Variants in CHODL observed in about 807,000 individuals in gnomAD.
The protein encoded by CHODL is chondrolectin.
CHODL carries 29 observed loss-of-function variants against 34.5 expected under a neutral mutation model. The observed-to-expected ratio is 0.84, with a 90% CI of 0.63 to 1.15. The LOEUF (loss-of-function observed/expected upper bound fraction) is 1.15. Among genes scored for constraint, CHODL ranks in the 50% most tolerant of loss-of-function variants. The pLI is 0.00. For missense variants in CHODL, 332 were observed against 332.5 expected (o/e 1.00, Z 0.01); for synonymous variants, 125 against 116.1 (o/e 1.08, Z -0.49).
intron 2 of CHODL, among the ~76,000 whole-genome samples, chr21:18,232,962 T>TATATATATATATAG (rs1166861868): frequency 9.8e-5 from 14 of 142,462 alleles, no homozygotes; most frequent in Admixed American, 2.1e-4. Context: ...TATATATATA[T>TATATATATATATAG]ATATATATAT....
intron 2 of CHODL, among the ~76,000 whole-genome samples, chr21:18,077,098 G>A (rs976787869): frequency 1.3e-5 from 2 of 152,202 alleles, no homozygotes; most frequent in Non-Finnish European, 2.9e-5. Context: ...TCCCACCTCA[G>A]TGTGCATGGA....
At chr21:17,993,470 T>C (rs2063817370) in intron 1 of CHODL, among the ~76,000 whole-genome samples, 1 of 152,220 alleles carries the variant, frequency 6.6e-6, no homozygotes, top group African/African-American at 2.4e-5. Context: ...ACATGTAATA[T>C]TTGTTTTCTG....
rs557948542 is a variant in CHODL, at chr21:18,173,323, C to G, written c.-44-83186C>G. 2.0e-5 allele frequency among the ~76,000 whole-genome samples: 3 copies of G among 152,304 alleles called. No homozygotes were observed. In the South Asian group the frequency reaches 6.2e-4, roughly 32 times the overall value. ...GCAAGTTATAGGTCCCATACATACT[C>G]ATGAAGAAGGCATTATCCAAGGTCA... is the stretch of plus-strand genomic sequence containing the variant. On this transcript the variant is annotated intron_variant, in intron 2 of 6. Coordinates refer to the CHODL transcript ENST00000400127.
intron 2 of CHODL, among the ~76,000 whole-genome samples, chr21:18,077,282 C>T (rs1396222020): frequency 1.3e-5 from 2 of 152,160 alleles, no homozygotes; most frequent in Non-Finnish European, 2.9e-5. Flanking sequence ...CATAAGTTTG[C>T]AGGTGAATGG....
Position 18,127,686 on chromosome 21 carries a change from T to G in CHODL, c.-45+99715T>G, listed in dbSNP as rs1457067673. ...GCGTTGCCATTGTTTTTTTTTTTTT[T>G]TTTTTTTTTTTTTTTAGCTTAAAAC... On this transcript the variant is annotated intron_variant, in intron 2 of 6. Coordinates refer to the CHODL transcript ENST00000400127. 2.3e-4 allele frequency among the ~76,000 whole-genome samples: 32 copies of G among 137,820 alleles called. No homozygotes were observed. In the East Asian group the frequency reaches 6.2e-3, roughly 27 times the overall value. The allele number at this position is 137,820 out of a possible 152,430, so 90.4% of individuals were successfully genotyped here.
intron 2 of CHODL, among the ~76,000 whole-genome samples, chr21:18,167,897 C>T (rs1297902151): frequency 6.6e-6 from 1 of 152,094 alleles, no homozygotes; most frequent in African/African-American, 2.4e-5. Flanking sequence ...ATATTTGAGT[C>T]AGTGGACTGG....
chr21:18,134,272 T>C (rs1289671680), intron 2 of CHODL: 1 of 507,608 alleles, frequency 2.0e-6, no homozygotes, highest in African/African-American at 1.9e-5. Flanking sequence ...ATTTTTATAC[T>C]TGGATGATCT....
At chr21:18,029,140 G>A (rs896262066) in intron 2 of CHODL, among the ~76,000 whole-genome samples, 3 of 151,978 alleles carry the variant, frequency 2.0e-5, no homozygotes, top group Non-Finnish European at 2.9e-5. Context: ...ACTTGGGTGC[G>A]GATGAACCAA....
At chr21:18,019,446 A>T in intron 1 of CHODL, among the ~76,000 whole-genome samples, 1 of 152,196 alleles carries the variant, frequency 6.6e-6, no homozygotes, top group East Asian at 1.9e-4. Flanking sequence ...ATTTATTTGT[A>T]CATTTTAAAA....
At chr21:18,076,137 T>C (rs1207608898) in intron 2 of CHODL, among the ~76,000 whole-genome samples, 1 of 152,210 alleles carries the variant, frequency 6.6e-6, no homozygotes, top group African/African-American at 2.4e-5. Context: ...GTGGGGGCAC[T>C]GCCATAACAA....
At chr21:18,109,111 T>A (rs2065315370) in intron 2 of CHODL, among the ~76,000 whole-genome samples, 1 of 152,202 alleles carries the variant, frequency 6.6e-6, no homozygotes, top group Non-Finnish European at 1.5e-5. Flanking sequence ...AGCAGTTTTT[T>A]AAGCCTTAAC....
chr21:18,040,161 A>G lies in CHODL; in HGVS notation c.-45+12190A>G, dbSNP rs558703569. Among the ~76,000 whole-genome samples, 47 of 152,016 alleles carry G rather than the reference A, an allele frequency of 3.1e-4. No homozygotes were observed. The South Asian group carries it at 7.9e-3, about 25-fold the overall frequency. ...TCTTTGCTCATGAAATAAAATATTC[A>G]AAAACAGATTACAAAGTAGCATGGT... On this transcript the variant is annotated intron_variant, in intron 2 of 6. Transcript: ENST00000400127.
At chr21:17,974,157 A>G (rs2063642376) in intron 1 of CHODL, among the ~76,000 whole-genome samples, 1 of 152,214 alleles carries the variant, frequency 6.6e-6, no homozygotes, top group South Asian at 2.1e-4. Flanking sequence ...ACGTTTTGCA[A>G]AACCACACAG....
At chr21:18,086,223 A>C (rs1333603945) in intron 2 of CHODL, among the ~76,000 whole-genome samples, 1 of 151,574 alleles carries the variant, frequency 6.6e-6, no homozygotes, top group African/African-American at 2.4e-5. Flanking sequence ...AAAGTTATCT[A>C]TCTTCTTGGT....
chr21:18,097,051 G>T (rs2065148817), intron 2 of CHODL, among the ~76,000 whole-genome samples: 2 of 152,072 alleles, frequency 1.3e-5, no homozygotes, highest in African/African-American at 4.8e-5. Flanking sequence ...CTAAAAAATT[G>T]GGTATAGAAG....
At chr21:17,971,010 T>G (rs1337152652) in intron 1 of CHODL, among the ~76,000 whole-genome samples, 1 of 152,184 alleles carries the variant, frequency 6.6e-6, no homozygotes, top group African/African-American at 2.4e-5. Flanking sequence ...TGTGTTAGTT[T>G]GCTGAGAATG....
intron 1 of CHODL, among the ~76,000 whole-genome samples, chr21:17,951,080 ATATG>A (rs1568813597): frequency 2.0e-5 from 3 of 148,394 alleles, no homozygotes; most frequent in African/African-American, 2.5e-5. Flanking sequence ...TTATATAAGA[ATATG>A]TGTGTGTATA....
intron 1 of CHODL, among the ~76,000 whole-genome samples, chr21:17,973,015 A>G (rs2063628694): frequency 6.6e-6 from 1 of 151,676 alleles, no homozygotes; most frequent in Admixed American, 6.6e-5. Flanking sequence ...GATCTTTGAC[A>G]AACCTGACAA....
At chr21:18,082,823 G>A (rs2064958554) in intron 2 of CHODL, among the ~76,000 whole-genome samples, 1 of 151,248 alleles carries the variant, frequency 6.6e-6, no homozygotes, top group South Asian at 2.1e-4. Context: ...ACAGTCATAT[G>A]TATTCACAAA....
Sources: gnomAD v4.1 joint callset for allele counts (sites outside exome capture counted in the v4.1 genomes callset) on GRCh38, gnomAD v4.1.1 for gene constraint, MANE v1.5 for transcripts, NCBI Gene and HGNC (gene_info 2026-07-23, HGNC 2026-07-21) for gene names.